PDE4D: variants seen among roughly 807,000 people sequenced by gnomAD.
The protein encoded by PDE4D is 3',5'-cyclic-AMP phosphodiesterase 4D.
A neutral mutation model predicts 87.4 loss-of-function variants in PDE4D; 24 were observed. The observed-to-expected ratio is 0.27, with a 90% confidence interval of 0.20 to 0.39. The LOEUF (loss-of-function observed/expected upper bound fraction) is 0.39, where lower values mean the gene tolerates loss of function less well. Among genes scored for constraint, PDE4D ranks in the 10% least tolerant of loss-of-function variants. The pLI is 1.00. For synonymous variants in PDE4D, 384 were observed against 383.2 expected, an observed-to-expected ratio of 1.00 and a Z score of -0.02; for missense variants, 714 against 1,041.0, an observed-to-expected ratio of 0.69 and a Z score of 4.32.
At chr5:59,842,436 T>C (rs1351259595) in intron 1 of PDE4D, among the ~76,000 whole-genome samples, 1 of 152,010 alleles carries the variant, frequency 6.6e-6, no homozygotes, top group African/African-American at 2.4e-5. Context: ...AAACGTGAAG[T>C]GATTTGAGCA....
At chr5:60,462,596 C>G (rs1747039417) in intron 1 of PDE4D, among the ~76,000 whole-genome samples, 1 of 152,164 alleles carries the variant, frequency 6.6e-6, no homozygotes, top group Non-Finnish European at 1.5e-5. Flanking sequence ...AGTATCTCAA[C>G]CAGGACACTG....
chr5:59,463,615 T>C (rs73758509), intron 1 of PDE4D, among the ~76,000 whole-genome samples: 2 of 152,210 alleles, frequency 1.3e-5, no homozygotes, highest in African/African-American at 2.4e-5. Context: ...TTCTATTGTT[T>C]GAATTTTCCA....
At chr5:59,556,520 C>T (rs1818944902) in intron 1 of PDE4D, among the ~76,000 whole-genome samples, 1 of 152,146 alleles carries the variant, frequency 6.6e-6, no homozygotes, top group African/African-American at 2.4e-5. Flanking sequence ...ACTATTACAG[C>T]ACTCACTGTT....
chr5:59,073,510 G>T (rs551236819), intron 5 of PDE4D, among the ~76,000 whole-genome samples: 1 of 140,406 alleles, frequency 7.1e-6, no homozygotes, highest in South Asian at 2.4e-4. Flanking sequence ...TGGGGGGCGG[G>T]GGGGGCGGGT....
intron 1 of PDE4D, among the ~76,000 whole-genome samples, chr5:59,334,512 C>T (rs774175790): frequency 7.9e-5 from 12 of 152,092 alleles, no homozygotes; most frequent in Admixed American, 3.9e-4. Flanking sequence ...CCCGCCTCAG[C>T]CTCCCAAAGT....
chr5:59,340,902 G>A (rs1778618386), intron 1 of PDE4D, among the ~76,000 whole-genome samples: 1 of 152,092 alleles, frequency 6.6e-6, no homozygotes, highest in Admixed American at 6.6e-5. Context: ...TTGTGTGTAT[G>A]TACCATATTT....
Position 60,382,011 on chromosome 5 carries a change from T to C in PDE4D, c.-90+105931A>G, listed in dbSNP as rs567587445. Among the ~76,000 whole-genome samples the C allele has an allele frequency of 4.6e-5, 7 of 152,320 alleles. No individual in the cohort carries two copies. The South Asian group carries it at 1.2e-3, about 27-fold the overall frequency. ...TTAATTTTATATATTAAGCTAGTTA[T>C]ACTGTATACTTTTCACAGGAAATAT... is the stretch of plus-strand genomic sequence containing the variant. On this transcript the variant is annotated intron_variant, in intron 1 of 16. Transcript: ENST00000502484.
At chr5:59,366,514 C>T (rs1286864006) in intron 1 of PDE4D, among the ~76,000 whole-genome samples, 3 of 152,058 alleles carry the variant, frequency 2.0e-5, no homozygotes, top group Non-Finnish European at 2.9e-5. Context: ...TTGGGATTCT[C>T]TGAAATAAGA....
intron 11 of PDE4D, among the ~76,000 whole-genome samples, chr5:58,981,446 A>ACTT (rs1745120116): frequency 1.3e-5 from 2 of 150,442 alleles, no homozygotes; most frequent in East Asian, 3.9e-4. Context: ...TTAAATACTA[A>ACTT]TATAAAGTTA....
chr5:59,558,930 G>A (rs1397188373), intron 1 of PDE4D: 2 of 152,042 alleles, frequency 1.3e-5, no homozygotes, highest in African/African-American at 4.8e-5. Flanking sequence ...AGCCACATGA[G>A]GTGTGTATGA....
intron 1 of PDE4D, among the ~76,000 whole-genome samples, chr5:59,386,754 A>C (rs189174645): frequency 2.0e-5 from 3 of 152,134 alleles, no homozygotes; most frequent in Non-Finnish European, 4.4e-5. Flanking sequence ...GAAATATGCC[A>C]TGGGAATTGC....
chr5:59,425,704 C>G (rs952261391), intron 1 of PDE4D, among the ~76,000 whole-genome samples: 1 of 152,124 alleles, frequency 6.6e-6, no homozygotes, highest in Admixed American at 6.6e-5. Flanking sequence ...ACTTGTTTTT[C>G]TTTGGTACAG....
chr5:59,019,590 C>T (rs34949154), intron 6 of PDE4D, among the ~76,000 whole-genome samples: 15,286 of 152,094 alleles, frequency 0.1, 1,024 homozygotes, highest in Non-Finnish European at 0.13. Flanking sequence ...AGCAAACATA[C>T]AATAAAGCGA....
intron 1 of PDE4D, among the ~76,000 whole-genome samples, chr5:60,519,999 C>T (rs1005653115): frequency 1.3e-5 from 2 of 152,122 alleles, no homozygotes; most frequent in Non-Finnish European, 2.9e-5. Flanking sequence ...CTTTCTATTC[C>T]CTAAAATGAT....
intron 3 of PDE4D, among the ~76,000 whole-genome samples, chr5:59,916,111 G>A (rs549197381): frequency 6.6e-6 from 1 of 152,186 alleles, no homozygotes; most frequent in South Asian, 2.1e-4. Flanking sequence ...TATAATCTAT[G>A]AGAATGCTTT....
intron 1 of PDE4D, among the ~76,000 whole-genome samples, chr5:59,512,633 T>A (rs1287172445): frequency 6.6e-6 from 1 of 152,160 alleles, no homozygotes; most frequent in Non-Finnish European, 1.5e-5. Context: ...GATGTAGGGT[T>A]CATCTTTATT....
At chr5:59,967,052 G>T (rs1487605872) in intron 3 of PDE4D, among the ~76,000 whole-genome samples, 4 of 152,188 alleles carry the variant, frequency 2.6e-5, no homozygotes, top group African/African-American at 9.6e-5. Flanking sequence ...AGCTGACCTG[G>T]AGTTTTCTCA....
intron 1 of PDE4D, among the ~76,000 whole-genome samples, chr5:59,548,808 T>G (rs1333296727): frequency 6.6e-6 from 1 of 152,100 alleles, no homozygotes; most frequent in Non-Finnish European, 1.5e-5. Context: ...GCAGGGTGCA[T>G]GGCAAATTTT....
In PDE4D at chr5:59,196,106, T is replaced by A. The variant is rs1745408964; in HGVS notation, c.648-2570A>T. On this transcript the variant is annotated intron_variant, in intron 2 of 14. Coordinates refer to ENST00000340635, the MANE Select transcript of PDE4D (RefSeq NM_001104631.2). ...AGAAAAAGTTCTGGGGAAAAAAAGA[T>A]ATGAAAATTTCAAGCATTTACAAAA... is the stretch of plus-strand genomic sequence containing the variant. Among the ~76,000 whole-genome samples, 3 of 152,088 alleles carry A rather than the reference T, an allele frequency of 2.0e-5. No individual in the cohort carries two copies. The South Asian group carries it at 6.2e-4, about 32-fold the overall frequency.
Sources: allele counts gnomAD v4.1 joint callset (sites outside exome capture counted in the v4.1 genomes callset), GRCh38; gene constraint gnomAD v4.1.1; transcripts MANE v1.5; gene names NCBI Gene and HGNC (gene_info 2026-07-23, HGNC 2026-07-21).